OSBPL8: variants seen among roughly 807,000 people sequenced by gnomAD.
OSBPL8 encodes the protein oxysterol-binding protein-related protein 8.
Under a neutral mutation model 125.5 loss-of-function variants are expected in OSBPL8, and 59 were observed. The observed-to-expected ratio is 0.47, with a 90% confidence interval of 0.38 to 0.58. OSBPL8 has a LOEUF of 0.58. OSBPL8 is among the 20% of genes least tolerant of loss of function. The pLI is 0.00. For synonymous variants in OSBPL8, 330 were observed against 338.9 expected (o/e 0.97, Z 0.29); for missense variants, 758 against 1,047.8 (o/e 0.72, Z 3.82).
At chr12:76,369,074 T>C (rs1952521891) in intron 21 of OSBPL8, 140 bp downstream of exon 21, 12 of 1,135,258 alleles carry the variant, frequency 1.1e-5, no homozygotes, top group South Asian at 2.3e-5. Flanking sequence ...TGATGTTTCT[T>C]TGGGGTAAGA....
chr12:76,499,584 C>T (rs1879680976), intron 1 of OSBPL8, among the ~76,000 whole-genome samples: 1 of 152,118 alleles, frequency 6.6e-6, no homozygotes, highest in Admixed American at 6.5e-5. Flanking sequence ...GGTACAGTAG[C>T]TCATGCCTGT....
intron 1 of OSBPL8, among the ~76,000 whole-genome samples, chr12:76,523,471 T>C (rs1212890307): frequency 2.6e-5 from 4 of 152,234 alleles, no homozygotes; most frequent in Admixed American, 2.6e-4. Context: ...AATATTTATG[T>C]CCTCTCCAGT....
intron 4 of OSBPL8, among the ~76,000 whole-genome samples, chr12:76,417,720 C>T (rs1173808999): frequency 5.3e-5 from 8 of 152,072 alleles, no homozygotes; most frequent in Non-Finnish European, 8.8e-5. Context: ...AATCTACAGG[C>T]TATTTTAAAT....
chr12:76,443,837 T>C (rs1298041809), intron 4 of OSBPL8, among the ~76,000 whole-genome samples: 1 of 152,132 alleles, frequency 6.6e-6, no homozygotes, highest in Non-Finnish European at 1.5e-5. Context: ...AATAAACAAT[T>C]GAAATATGTT....
intron 1 of OSBPL8, among the ~76,000 whole-genome samples, chr12:76,545,852 T>C (rs1950768392): frequency 6.6e-6 from 1 of 152,212 alleles, no homozygotes; most frequent in African/African-American, 2.4e-5. Context: ...AACTCTTATA[T>C]TGAAAGCCTG....
intron 1 of OSBPL8, among the ~76,000 whole-genome samples, chr12:76,546,838 C>T (rs904471584): frequency 6.6e-6 from 1 of 152,136 alleles, no homozygotes; most frequent in African/African-American, 2.4e-5. Flanking sequence ...CAGTCCACTA[C>T]ATTAGAAAAT....
intron 15 of OSBPL8, among the ~76,000 whole-genome samples, chr12:76,381,647 A>G (rs984702774): frequency 6.6e-6 from 1 of 151,726 alleles, no homozygotes; most frequent in Non-Finnish European, 1.5e-5. Flanking sequence ...TTTGAAATCT[A>G]TTTTATTAAT....
intron 4 of OSBPL8, among the ~76,000 whole-genome samples, chr12:76,434,168 TG>T (rs1384856069): frequency 6.6e-6 from 1 of 151,986 alleles, no homozygotes; most frequent in Admixed American, 6.6e-5. Flanking sequence ...TATCGACCAA[TG>T]GAACAGAATA....
intron 4 of OSBPL8, among the ~76,000 whole-genome samples, chr12:76,439,552 A>G (rs1871927043): frequency 6.6e-6 from 1 of 152,038 alleles, no homozygotes; most frequent in Non-Finnish European, 1.5e-5. Flanking sequence ...TTTATAATCA[A>G]TGAAATGCAG....
intron 14 of OSBPL8, among the ~76,000 whole-genome samples, chr12:76,385,248 T>C (rs1319699055): frequency 2.0e-5 from 3 of 152,248 alleles, no homozygotes. Context: ...AAAGAACACA[T>C]GGTCTTTTCA....
At chr12:76,384,230 G>A (rs1317614498) in intron 15 of OSBPL8, 24 bp downstream of exon 15, 1 of 1,357,372 alleles carries the variant, frequency 7.4e-7, no homozygotes, top group South Asian at 1.5e-5. Context: ...AGGAGAGGGT[G>A]CAAGTTGGGA....
At chr12:76,406,011 T>G (rs1448145194) in intron 5 of OSBPL8, among the ~76,000 whole-genome samples, 1 of 152,202 alleles carries the variant, frequency 6.6e-6, no homozygotes, top group Non-Finnish European at 1.5e-5. Flanking sequence ...CAGTCTTAGT[T>G]TCTTCATCTG....
intron 4 of OSBPL8, among the ~76,000 whole-genome samples, chr12:76,440,993 G>A (rs1191132290): frequency 1.3e-5 from 2 of 152,076 alleles, no homozygotes; most frequent in African/African-American, 2.4e-5. Context: ...TTACTAGAAG[G>A]ATTTTCTCTG....
At chr12:76,515,912 T>C (rs1293036750) in intron 1 of OSBPL8, among the ~76,000 whole-genome samples, 1 of 152,188 alleles carries the variant, frequency 6.6e-6, no homozygotes, top group Non-Finnish European at 1.5e-5. Flanking sequence ...ACTCCCACAA[T>C]GTGTTCTACA....
intron 9 of OSBPL8, among the ~76,000 whole-genome samples, chr12:76,393,429 G>A (rs929434576): frequency 3.3e-5 from 5 of 151,886 alleles, no homozygotes; most frequent in African/African-American, 7.3e-5. Context: ...AAAAATCATC[G>A]GCCAGGCGCG....
chr12:76,428,396 GA>G (rs561466994), intron 4 of OSBPL8, among the ~76,000 whole-genome samples: 12 of 145,124 alleles, frequency 8.3e-5, no homozygotes, highest in East Asian at 8.0e-4. Flanking sequence ...CTCTATTTAA[GA>G]AAAAAAAAAT....
At chr12:76,481,570 C>T (rs866276728) in intron 2 of OSBPL8, among the ~76,000 whole-genome samples, 35 of 152,140 alleles carry the variant, frequency 2.3e-4, no homozygotes, top group Middle Eastern at 3.4e-3. Flanking sequence ...TTCAAGGCTG[C>T]AGTGAGCTAG....
At chr12:76,550,674 G>A (rs1361615543) in intron 1 of OSBPL8, among the ~76,000 whole-genome samples, 1 of 152,196 alleles carries the variant, frequency 6.6e-6, no homozygotes. Flanking sequence ...TGGGCCGTGC[G>A]CAGCTCACCA....
chr12:76,556,498 C>T (rs1287285610), intron 1 of OSBPL8, among the ~76,000 whole-genome samples: 1 of 152,126 alleles, frequency 6.6e-6, no homozygotes, highest in Admixed American at 6.5e-5. Context: ...GGGTTTCCCA[C>T]ATACTGCCAT....
Sources: allele counts gnomAD v4.1 joint callset (sites outside exome capture counted in the v4.1 genomes callset), GRCh38; gene constraint gnomAD v4.1.1; transcripts MANE v1.5; gene names NCBI Gene and HGNC (gene_info 2026-07-23, HGNC 2026-07-21).